The following PCDH9 variants were observed in gnomAD, a reference collection of about 807,000 sequenced individuals.
The protein encoded by PCDH9 is protocadherin-9.
In PCDH9, 24 loss-of-function variants were observed where a neutral mutation model predicts 70.6. The observed-to-expected ratio is 0.34, with a 90% CI of 0.25 to 0.48. The LOEUF (loss-of-function observed/expected upper bound fraction) is 0.48, where lower values mean the gene tolerates loss of function less well. Ranked by LOEUF, PCDH9 falls within the 20% of genes least tolerant of loss-of-function variation. The pLI, the probability that PCDH9 is intolerant of heterozygous loss-of-function variation, is 0.99. For synonymous variants in PCDH9, 562 were observed against 558.5 expected, an observed-to-expected ratio of 1.01 and a Z score of -0.09; for missense variants, 1,281 against 1,503.6, an observed-to-expected ratio of 0.85 and a Z score of 2.45.
At chr13:67,003,667 A>C (rs1304791747) in intron 2 of PCDH9, among the ~76,000 whole-genome samples, 1 of 152,232 alleles carries the variant, frequency 6.6e-6, no homozygotes, top group African/African-American at 2.4e-5. Context: ...AGTATGAAGC[A>C]GGAATTTTAT....
intron 4 of PCDH9, among the ~76,000 whole-genome samples, chr13:66,528,146 T>C (rs1960293294): frequency 6.6e-6 from 1 of 152,152 alleles, no homozygotes; most frequent in South Asian, 2.1e-4. Context: ...AACTCTCAGT[T>C]GACTAGAATT....
chr13:66,569,494 AT>A lies in PCDH9; in HGVS notation c.3340+61715del, dbSNP rs371734504. Reference sequence around the variant, plus strand: ...TTCCACTTAAGAATATATCATTAATATTTTTCAGTGTCATTATATGTCATTG... The same window carrying A: ...TTCCACTTAAGAATATATCATTAATATTTTCAGTGTCATTATATGTCATTG... On this transcript the variant is annotated intron_variant, in intron 4 of 4. Coordinates refer to ENST00000377865, the MANE Select transcript of PCDH9 (RefSeq NM_203487.3). Among the ~76,000 whole-genome samples, 37 of 152,220 alleles carry A rather than the reference AT, an allele frequency of 2.4e-4. No individual in the cohort carries two copies. The South Asian group carries it at 4.4e-3, about 18-fold the overall frequency.
chr13:66,420,916 C>T (rs1224488410), intron 4 of PCDH9, among the ~76,000 whole-genome samples: 1 of 151,956 alleles, frequency 6.6e-6, no homozygotes, highest in Non-Finnish European at 1.5e-5. Context: ...TAACCCAATG[C>T]AAGGAAGCTA....
At chr13:66,458,918 G>A (rs1019134925) in intron 4 of PCDH9, among the ~76,000 whole-genome samples, 1 of 151,930 alleles carries the variant, frequency 6.6e-6, no homozygotes, top group Non-Finnish European at 1.5e-5. Flanking sequence ...TAATGTTTAT[G>A]CAGTGGAAAA....
chr13:67,156,075 C>T (rs566317685), intron 2 of PCDH9, among the ~76,000 whole-genome samples: 6 of 152,090 alleles, frequency 3.9e-5, no homozygotes, highest in South Asian at 4.1e-4. Context: ...TTAAATGATA[C>T]GGGAGTGCTG....
intron 4 of PCDH9, among the ~76,000 whole-genome samples, chr13:66,330,121 C>T (rs1392154109): frequency 2.0e-5 from 3 of 152,214 alleles, no homozygotes; most frequent in African/African-American, 7.2e-5. Flanking sequence ...ACTTCATTCC[C>T]TTACATGCCA....
chr13:66,789,206 G>A (rs1030590843), intron 3 of PCDH9, among the ~76,000 whole-genome samples: 45 of 152,068 alleles, frequency 3.0e-4, no homozygotes, highest in African/African-American at 1.0e-3. Flanking sequence ...CTGAGTAACC[G>A]GCTGAAATTT....
chr13:66,725,699 A>G (rs1306695860), intron 3 of PCDH9, among the ~76,000 whole-genome samples: 1 of 152,234 alleles, frequency 6.6e-6, no homozygotes, highest in Non-Finnish European at 1.5e-5. Context: ...TCATTAACTC[A>G]CAGTTGAACC....
At chr13:67,214,933 CAGATATATATATATATATATAT>C (rs1255594061) in intron 2 of PCDH9, 4 of 26,130 alleles carry the variant, frequency 1.5e-4, no homozygotes, top group African/African-American at 4.8e-4. Context: ...TATTGCGAGC[CAGATATATATATATATATATAT>C]ATATATATAT....
intron 4 of PCDH9, among the ~76,000 whole-genome samples, chr13:66,509,439 A>T (rs1566379210): frequency 6.6e-6 from 1 of 152,136 alleles, no homozygotes. Context: ...GAGTAAACAC[A>T]TTTGCAAACT....
At chr13:66,822,817 G>A (rs1402146861) in intron 3 of PCDH9, among the ~76,000 whole-genome samples, 7 of 151,860 alleles carry the variant, frequency 4.6e-5, no homozygotes, top group Non-Finnish European at 1.5e-5. Context: ...TGATATTCTG[G>A]ATCTTTAAAA....
intron 3 of PCDH9, among the ~76,000 whole-genome samples, chr13:66,672,160 A>G (rs1244907208): frequency 6.6e-6 from 1 of 152,218 alleles, no homozygotes; most frequent in Non-Finnish European, 1.5e-5. Context: ...GTTGCTTCAG[A>G]GGGTGCAAGC....
chr13:66,691,994 G>C (rs1160994856), intron 3 of PCDH9, among the ~76,000 whole-genome samples: 1 of 152,022 alleles, frequency 6.6e-6, no homozygotes, highest in Non-Finnish European at 1.5e-5. Context: ...CAAATCTCTG[G>C]CTAGGTCATT....
intron 4 of PCDH9, among the ~76,000 whole-genome samples, chr13:66,559,831 T>C (rs867932091): frequency 0.011 from 1,227 of 112,532 alleles, 20 homozygotes; most frequent in East Asian, 0.045. Context: ...TATATATATA[T>C]ATACACACAC....
intron 2 of PCDH9, chr13:67,201,652 CTT>C (rs1291702844): frequency 5.3e-5 from 8 of 151,938 alleles, no homozygotes; most frequent in African/African-American, 1.9e-4. Flanking sequence ...GTAATTAAAA[CTT>C]AATTTGAAAT....
intron 3 of PCDH9, among the ~76,000 whole-genome samples, chr13:66,659,855 G>A (rs565642686): frequency 1.3e-5 from 2 of 152,112 alleles, no homozygotes; most frequent in East Asian, 1.9e-4. Flanking sequence ...GCATGTACAA[G>A]TGGCCAAAAC....
At chr13:66,580,967 G>T (rs2076883879) in intron 4 of PCDH9, among the ~76,000 whole-genome samples, 1 of 152,076 alleles carries the variant, frequency 6.6e-6, no homozygotes, top group Non-Finnish European at 1.5e-5. Flanking sequence ...CACGGTGGTG[G>T]TCAGCAACTC....
chr13:66,585,263 T>C (rs2076947260), intron 4 of PCDH9, among the ~76,000 whole-genome samples: 1 of 152,168 alleles, frequency 6.6e-6, no homozygotes, highest in South Asian at 2.1e-4. Context: ...CACATAAAAA[T>C]AGAAAATTCT....
At chr13:66,730,874 G>GT (rs1566154009) in intron 3 of PCDH9, among the ~76,000 whole-genome samples, 9 of 22,714 alleles carry the variant, frequency 4.0e-4, no homozygotes, top group Admixed American at 9.3e-4. Context: ...TTGTGTGTGT[G>GT]TGTTTTTTTT....
Sources: allele counts gnomAD v4.1 joint callset (sites outside exome capture counted in the v4.1 genomes callset), GRCh38; gene constraint gnomAD v4.1.1; transcripts MANE v1.5; gene names NCBI Gene and HGNC (gene_info 2026-07-23, HGNC 2026-07-21).